Variants in COLEC10 observed in about 807,000 individuals in gnomAD.
COLEC10 encodes the protein collectin-10.
COLEC10 carries 22 observed loss-of-function variants against 28.4 expected under a neutral mutation model. The ratio of observed to expected loss-of-function variants is 0.78; its 90% CI spans 0.55 to 1.11. COLEC10 has a LOEUF of 1.11. Ranked by LOEUF, COLEC10 falls within the 50% of genes least tolerant of loss-of-function variation. The pLI, the probability that COLEC10 is intolerant of heterozygous loss-of-function variation, is 0.00. For synonymous variants in COLEC10, 125 were observed against 116.1 expected (o/e 1.08, Z -0.49); for missense variants, 361 against 344.1 (o/e 1.05, Z -0.39).
At chr8:119,022,320 T>A (rs1814114062) in intron 2 of COLEC10, among the ~76,000 whole-genome samples, 1 of 152,078 alleles carries the variant, frequency 6.6e-6, no homozygotes, top group Non-Finnish European at 1.5e-5. Context: ...GCCACTCCCA[T>A]AGTCAAGTAT....
At chr8:119,075,201 G>A (rs549874963) in intron 1 of COLEC10, among the ~76,000 whole-genome samples, 22 of 152,154 alleles carry the variant, frequency 1.4e-4, no homozygotes, top group African/African-American at 4.3e-4. Context: ...TCTCTCTTAC[G>A]TCTCTTGCTT....
chr8:118,986,563 A>G, the COLEC10 span, among the ~76,000 whole-genome samples: 1 of 152,192 alleles, frequency 6.6e-6, no homozygotes, highest in Non-Finnish European at 1.5e-5. Flanking sequence ...TATAAAATTG[A>G]AAGTAATGTT....
intron 1 of COLEC10, among the ~76,000 whole-genome samples, chr8:118,996,590 A>C (rs938764833): frequency 6.6e-6 from 1 of 152,124 alleles, no homozygotes; most frequent in African/African-American, 2.4e-5. Context: ...GTTCCGGTTT[A>C]CATTTATTTG....
chr8:118,966,260 C>G, the COLEC10 span, among the ~76,000 whole-genome samples: 1 of 152,044 alleles, frequency 6.6e-6, no homozygotes, highest in Non-Finnish European at 1.5e-5. Flanking sequence ...AAAGAGGATA[C>G]CACATTAGTT....
At chr8:118,971,726 A>G in the COLEC10 span, among the ~76,000 whole-genome samples, 3 of 152,012 alleles carry the variant, frequency 2.0e-5, no homozygotes. Flanking sequence ...GGAATATTTA[A>G]TACACAACCT....
intron 4 of COLEC10, among the ~76,000 whole-genome samples, chr8:119,103,059 G>GA (rs1237571122): frequency 6.6e-6 from 1 of 151,828 alleles, no homozygotes; most frequent in African/African-American, 2.4e-5. Flanking sequence ...GCTACCAAAG[G>GA]AAAAAAATTG....
the COLEC10 span, among the ~76,000 whole-genome samples, chr8:118,975,436 G>A: frequency 1.3e-5 from 2 of 151,924 alleles, no homozygotes; most frequent in African/African-American, 2.4e-5. Flanking sequence ...CAGGGAAAAG[G>A]CATATAACTC....
chr8:118,971,074 G>C, the COLEC10 span, among the ~76,000 whole-genome samples: 3 of 151,864 alleles, frequency 2.0e-5, no homozygotes, highest in Non-Finnish European at 4.4e-5. Flanking sequence ...CTGAATCTTC[G>C]CCAAGGAAGG....
At chr8:118,965,472 C>T in the COLEC10 span, among the ~76,000 whole-genome samples, 1 of 152,012 alleles carries the variant, frequency 6.6e-6, no homozygotes, top group Non-Finnish European at 1.5e-5. Flanking sequence ...CTTCTTGCCC[C>T]ATTTTCCCCA....
At chr8:119,060,358 T>C (rs1814833371) in intron 2 of COLEC10, among the ~76,000 whole-genome samples, 1 of 152,152 alleles carries the variant, frequency 6.6e-6, no homozygotes, top group African/African-American at 2.4e-5. Flanking sequence ...ATTCAGAAGA[T>C]ACCATATACT....
At chr8:118,973,478 A>G in the COLEC10 span, among the ~76,000 whole-genome samples, 2 of 151,932 alleles carry the variant, frequency 1.3e-5, no homozygotes. Flanking sequence ...TGTTGGTCGG[A>G]GGCTACCCTC....
the COLEC10 span, among the ~76,000 whole-genome samples, chr8:118,978,796 A>G: frequency 7.9e-5 from 12 of 152,192 alleles, no homozygotes; most frequent in Admixed American, 4.6e-4. Flanking sequence ...CCAACAGTAT[A>G]CAAAAGCCCA....
At chr8:119,079,883 A>G (rs1020882483) in intron 1 of COLEC10, among the ~76,000 whole-genome samples, 2 of 152,046 alleles carry the variant, frequency 1.3e-5, no homozygotes. Flanking sequence ...CCCATCAATG[A>G]CCTGGCTTGG....
chr8:119,044,316 G>A (rs757839969), intron 2 of COLEC10, among the ~76,000 whole-genome samples: 3 of 152,158 alleles, frequency 2.0e-5, no homozygotes, highest in Non-Finnish European at 4.4e-5. Context: ...TACAAACTCT[G>A]TCACAAAAGT....
At chr8:118,956,485 C>A in the COLEC10 span, among the ~76,000 whole-genome samples, 1 of 152,138 alleles carries the variant, frequency 6.6e-6, no homozygotes, top group Non-Finnish European at 1.5e-5. Flanking sequence ...CAGTCCATAA[C>A]AGGGATCTGT....
intron 2 of COLEC10, among the ~76,000 whole-genome samples, chr8:119,050,805 G>T (rs1050925275): frequency 2.6e-5 from 4 of 152,126 alleles, no homozygotes; most frequent in Admixed American, 1.3e-4. Flanking sequence ...GCCTGAGGAG[G>T]CCAAGTTCAT....
At chr8:119,086,646 C>A (rs534407114) in intron 1 of COLEC10, among the ~76,000 whole-genome samples, 3 of 152,256 alleles carry the variant, frequency 2.0e-5, no homozygotes, top group Admixed American at 2.0e-4. Flanking sequence ...AAGTCACTCA[C>A]CCGGCTGCCT....
chr8:118,964,455 A>G, the COLEC10 span, among the ~76,000 whole-genome samples: 1 of 152,102 alleles, frequency 6.6e-6, no homozygotes, highest in Non-Finnish European at 1.5e-5. Flanking sequence ...TGCCTGTACA[A>G]TTAGGTTATA....
chr8:119,055,829 T>C (rs1216333032), intron 2 of COLEC10, among the ~76,000 whole-genome samples: 3 of 152,108 alleles, frequency 2.0e-5, no homozygotes, highest in Admixed American at 2.0e-4. Flanking sequence ...TCCTATTCAT[T>C]CTGTCTTTAA....
Sources: allele counts gnomAD v4.1 joint callset (sites outside exome capture counted in the v4.1 genomes callset), GRCh38; gene constraint gnomAD v4.1.1; transcripts MANE v1.5; gene names NCBI Gene and HGNC (gene_info 2026-07-23, HGNC 2026-07-21).